TGFB2: variants seen among roughly 807,000 people sequenced by gnomAD.
TGFB2 encodes transforming growth factor beta-2 proprotein.
A neutral mutation model predicts 42.7 loss-of-function variants in TGFB2; 13 were observed. The ratio of observed to expected loss-of-function variants is 0.30; its 90% confidence interval spans 0.20 to 0.48. The LOEUF (loss-of-function observed/expected upper bound fraction) is 0.48. Among genes scored for constraint, TGFB2 ranks in the 20% least tolerant of loss-of-function variants. The pLI is 0.99. For missense variants in TGFB2, 390 were observed against 517.5 expected (o/e 0.75, Z 2.39); for synonymous variants, 193 against 193.6 (o/e 1.00, Z 0.03).
At chr1:218,394,030 C>A (rs1416600113) in intron 1 of TGFB2, among the ~76,000 whole-genome samples, 1 of 152,064 alleles carries the variant, frequency 6.6e-6, no homozygotes, top group African/African-American at 2.4e-5. Context: ...CCTCAGCCTC[C>A]CGAGTAGCTG....
intron 1 of TGFB2, among the ~76,000 whole-genome samples, chr1:218,356,530 T>C (rs1657040565): frequency 6.6e-6 from 1 of 152,202 alleles, no homozygotes; most frequent in African/African-American, 2.4e-5. Context: ...GGAAAAATTA[T>C]TTAAACTATT....
Position 218,350,750 on chromosome 1 carries a change from T to C in TGFB2, c.346+3703T>C, listed in dbSNP as rs149077882. 9.8e-4 allele frequency among the ~76,000 whole-genome samples: 149 copies of C among 152,286 alleles called. No individual in the cohort carries two copies. The Middle Eastern group carries it at 0.014, about 14-fold the overall frequency. ...CATCAAAACTTCCCATTTATTTAGC[T>C]TAAGTGATGGTGTTGACCTATCCAT... On this transcript the variant is annotated intron_variant, in intron 1 of 6. Transcript: ENST00000366930.
At chr1:218,391,189 C>T (rs950556557) in intron 1 of TGFB2, among the ~76,000 whole-genome samples, 2 of 152,200 alleles carry the variant, frequency 1.3e-5, no homozygotes, top group Admixed American at 6.5e-5. Context: ...GGTTCCAGAA[C>T]CTTCCTGAGT....
At chr1:218,420,694 G>T (rs1474945806) in intron 2 of TGFB2, among the ~76,000 whole-genome samples, 1 of 152,006 alleles carries the variant, frequency 6.6e-6, no homozygotes, top group African/African-American at 2.4e-5. Flanking sequence ...TTCCATAAAG[G>T]TCATCAAAGG....
At chr1:218,385,322 G>T (rs1346292203) in intron 1 of TGFB2, among the ~76,000 whole-genome samples, 2 of 152,200 alleles carry the variant, frequency 1.3e-5, no homozygotes, top group African/African-American at 4.8e-5. Flanking sequence ...GAAGTACAGT[G>T]ATGCCACCTT....
intron 1 of TGFB2, among the ~76,000 whole-genome samples, chr1:218,360,494 C>T (rs1055397707): frequency 2.6e-5 from 4 of 152,132 alleles, no homozygotes; most frequent in African/African-American, 4.8e-5. Flanking sequence ...AGGGGAACAA[C>T]ACACACTGGG....
intron 2 of TGFB2, among the ~76,000 whole-genome samples, chr1:218,419,190 C>T (rs774397332): frequency 1.3e-5 from 2 of 152,134 alleles, no homozygotes; most frequent in African/African-American, 4.8e-5. Flanking sequence ...ATAATTTCCC[C>T]CTCATTCATA....
At chr1:218,405,025 C>T in intron 1 of TGFB2, 144 bp from the exon 2 acceptor site, 1 of 829,258 alleles carries the variant, frequency 1.2e-6, no homozygotes, top group Non-Finnish European at 1.8e-6. Context: ...TTTCTGGTTA[C>T]ATTGTTAATG....
At chr1:218,402,906 A>G (rs1348870313) in intron 1 of TGFB2, among the ~76,000 whole-genome samples, 2 of 152,244 alleles carry the variant, frequency 1.3e-5, no homozygotes, top group Non-Finnish European at 2.9e-5. Context: ...CTGGCCCCAG[A>G]CTGGCCTAGG....
intron 2 of TGFB2, chr1:218,405,544 C>CT (rs560958044): frequency 1.3e-6 from 1 of 797,340 alleles, no homozygotes; most frequent in South Asian, 1.6e-5. Flanking sequence ...TTTTAAAAAA[C>CT]TTTTTTTAGA....
At position 218,355,182 on chromosome 1, in the gene TGFB2, G is replaced by A. The variant is rs575063636; in HGVS notation, c.346+8135G>A. Reference sequence around the variant, plus strand: ...CCCAAAGTGCTGGGATTATAGGCCCGAGCCACCGTGCCCAGCCTTGGTTTT... The same window carrying A: ...CCCAAAGTGCTGGGATTATAGGCCCAAGCCACCGTGCCCAGCCTTGGTTTT... On this transcript the variant is annotated intron_variant, in intron 1 of 6. Coordinates refer to ENST00000366930, the MANE Select transcript of TGFB2 (RefSeq NM_003238.6). Among the ~76,000 whole-genome samples, 119 of 152,278 alleles carry A rather than the reference G, an allele frequency of 7.8e-4. 1 individual carries two copies. In the South Asian group the frequency reaches 0.011, roughly 14 times the overall value.
chr1:218,361,932 A>G (rs1657224959), intron 1 of TGFB2, among the ~76,000 whole-genome samples: 1 of 152,238 alleles, frequency 6.6e-6, no homozygotes, highest in South Asian at 2.1e-4. Flanking sequence ...GTATGTGCTT[A>G]TAGAATCCCC....
intron 2 of TGFB2, among the ~76,000 whole-genome samples, chr1:218,415,742 C>G (rs925451033): frequency 1.4e-5 from 2 of 138,842 alleles, no homozygotes; most frequent in East Asian, 2.4e-4. Context: ...ATGAGCATAT[C>G]AGAGTGGGAA....
intron 2 of TGFB2, among the ~76,000 whole-genome samples, chr1:218,418,372 A>G (rs563822753): frequency 4.8e-4 from 73 of 152,208 alleles, no homozygotes; most frequent in African/African-American, 1.7e-3. Context: ...CTTTGTTTTG[A>G]CCAATTTCTC....
chr1:218,416,409 G>C (rs1659282138), intron 2 of TGFB2, among the ~76,000 whole-genome samples: 1 of 151,980 alleles, frequency 6.6e-6, no homozygotes, highest in Non-Finnish European at 1.5e-5. Context: ...CAGTACTCAG[G>C]ATATTTTTTG....
chr1:218,415,423 G>T (rs1028315815), intron 2 of TGFB2, among the ~76,000 whole-genome samples: 4 of 151,994 alleles, frequency 2.6e-5, no homozygotes, highest in Non-Finnish European at 4.4e-5. Flanking sequence ...GGCCGGGCGC[G>T]GTGGCTCATG....
At position 218,346,482 on chromosome 1, in the gene TGFB2, A is replaced by C; in HGVS notation, c.-220A>C. On this transcript the variant is annotated 5_prime_UTR_variant, in exon 1 of 7. Transcript: ENST00000366930. The surrounding 1 kb of genome is among the most constrained non-coding windows in gnomAD (Gnocchi z 4.9). ...TTCCCTCTGCCCGTCCCGTATTAAT[A>C]TTTCCACTTTTGGAACTACTGGCCT... 1 of 496,388 alleles carries C rather than the reference A, an allele frequency of 2.0e-6. No homozygotes were observed. Among genetic ancestry groups the C allele is most frequent in the Non-Finnish European group, 3.5e-6 (1 of 287,840 alleles). 30.7% of individuals were successfully genotyped at this position (496,388 alleles called of 1,614,324 possible).
chr1:218,408,175 T>C (rs1306467846), intron 2 of TGFB2, among the ~76,000 whole-genome samples: 1 of 152,190 alleles, frequency 6.6e-6, no homozygotes, highest in Non-Finnish European at 1.5e-5. Flanking sequence ...CCTATTTTTC[T>C]GTGGCCCCTT....
At chr1:218,378,521 C>G (rs1233316271) in intron 1 of TGFB2, among the ~76,000 whole-genome samples, 8 of 152,058 alleles carry the variant, frequency 5.3e-5, no homozygotes, top group African/African-American at 1.9e-4. Flanking sequence ...ACCATGTTGG[C>G]CAGGCTAGTC....
Sources: allele counts gnomAD v4.1 joint callset (sites outside exome capture counted in the v4.1 genomes callset), GRCh38; gene constraint gnomAD v4.1.1; non-coding constraint Gnocchi (gnomAD v3.1); transcripts MANE v1.5; gene names NCBI Gene and HGNC (gene_info 2026-07-23, HGNC 2026-07-21).